The following RORC variants were observed in gnomAD, a reference collection of about 807,000 sequenced individuals.
RORC encodes RAR related orphan receptor C, also known as nuclear receptor ROR-gamma.
RORC carries 13 observed loss-of-function variants against 64.5 expected under a neutral mutation model. That is an observed-to-expected ratio of 0.20 (90% CI 0.13 to 0.32). RORC has a LOEUF of 0.32. Ranked by LOEUF, RORC falls within the 10% of genes least tolerant of loss-of-function variation. The pLI is 1.00. For missense variants in RORC, 468 were observed against 669.5 expected (o/e 0.70, Z 3.32); for synonymous variants, 277 against 259.3 (o/e 1.07, Z -0.65).
Position 151,816,649 on chromosome 1 carries a change from T to C in RORC, c.298+15A>G. 6.3e-7 allele frequency: 1 copy of C among 1,597,294 alleles called. No homozygotes were observed. The highest frequency in any genetic ancestry group is 1.1e-5 in the South Asian group (1 of 88,086). ...ACACCAGGAAAACCCCAGGGGGCTG[T>C]CGACTTGGCCTCACCATCTCGGGAC... On this transcript the variant is annotated intron_variant, in intron 4 of 10. Coordinates refer to ENST00000318247, the MANE Select transcript of RORC (RefSeq NM_005060.4).
chr1:151,830,807 G>T lies in RORC; in HGVS notation c.40+918C>A, dbSNP rs1188028540. ...AGGTGGCAAGGCCCCACCCAGCCCC[G>T]CCCACCTCCCCTTGCTCCTGCCTGG... On this transcript the variant is annotated intron_variant, in intron 1 of 10. Transcript: ENST00000318247. This position sits in a 1 kb window ranked among gnomAD's most constrained non-coding sequence, Gnocchi z 4.0. 1 of 183,990 alleles carries T rather than the reference G, an allele frequency of 5.4e-6. No individual in the cohort carries two copies. Among genetic ancestry groups the T allele is most frequent in the South Asian group, 6.2e-5 (1 of 16,180 alleles). The allele number at this position is 183,990 out of a possible 1,614,324, so 11.4% of individuals were successfully genotyped here.
At chr1:151,814,292 G>C in intron 6 of RORC, 1 of 350,632 alleles carries the variant, frequency 2.9e-6, no homozygotes, top group South Asian at 5.5e-5. Context: ...GGAAGAGGAG[G>C]AAGGAGGGTG....
At position 151,814,933 on chromosome 1, in the gene RORC, T is replaced by C. The variant is rs200578427; in HGVS notation, c.791A>G (p.Tyr264Cys). Residue 264 changes from tyrosine (Y) to cysteine (C), a missense_variant, in exon 5 of 11, where the codon TAT becomes TGT. This residue lies in a region of RORC where 241 missense variants were observed against 295.5 expected (regional missense o/e 0.82). Coordinates refer to ENST00000318247, the MANE Select transcript of RORC (RefSeq NM_005060.4). ...PSFRSTPEAP[Y>C]ASLTEIEHLV... ...CTCACCTATCTCTGTCAGGGAGGCA[T>C]AGGGTGCCTCCGGTGTGCTGCGGAA... 8.1e-6 allele frequency: 13 copies of C among 1,613,716 alleles called. No homozygotes were observed. Among genetic ancestry groups the C allele is most frequent in the Non-Finnish European group, 1.1e-5 (13 of 1,179,734 alleles).
intron 1 of RORC, 111 bp from the exon 2 acceptor site, chr1:151,829,569 C>A (rs978188422): frequency 1.9e-6 from 2 of 1,051,186 alleles, no homozygotes; most frequent in Non-Finnish European, 2.6e-6. Flanking sequence ...CAGAGCCTGG[C>A]GTCTGAAGGG....
At chr1:151,828,047 G>C (rs923556020) in intron 2 of RORC, among the ~76,000 whole-genome samples, 4 of 152,038 alleles carry the variant, frequency 2.6e-5, no homozygotes, top group African/African-American at 9.7e-5. Flanking sequence ...CTAGGGGCAG[G>C]CGAGACACTG....
At chr1:151,819,874 C>T (rs1418977965) in intron 2 of RORC, among the ~76,000 whole-genome samples, 1 of 152,166 alleles carries the variant, frequency 6.6e-6, no homozygotes, top group Non-Finnish European at 1.5e-5. Context: ...GTCAGCCCAT[C>T]CTCCATCCTC....
chr1:151,822,902 G>C (rs1652048728), intron 2 of RORC, among the ~76,000 whole-genome samples: 1 of 152,254 alleles, frequency 6.6e-6, no homozygotes, highest in South Asian at 2.1e-4. Context: ...GCGGGCCTTG[G>C]GCTGCCCGCC....
chr1:151,821,666 C>T (rs1480749645), intron 2 of RORC, among the ~76,000 whole-genome samples: 3 of 152,172 alleles, frequency 2.0e-5, no homozygotes, highest in Admixed American at 2.0e-4. Flanking sequence ...ACCTAGATCT[C>T]TGTAATTCTG....
chr1:151,821,302 A>AC (rs1171088237), intron 2 of RORC, among the ~76,000 whole-genome samples: 2 of 151,474 alleles, frequency 1.3e-5, no homozygotes, highest in African/African-American at 4.9e-5. Flanking sequence ...CCCCAGAACC[A>AC]CCACCCCCCC....
intron 1 of RORC, chr1:151,831,020 C>A (rs1189493332): frequency 2.3e-6 from 3 of 1,289,356 alleles, no homozygotes; most frequent in South Asian, 1.2e-5. Flanking sequence ...GCTGACCAAG[C>A]CTGTGGCCCT....
rs753255482 is a variant in RORC at position 151,815,265 on chromosome 1, G to T, written c.459C>A (p.Leu153=). The T allele has an allele frequency of 1.2e-6, 2 of 1,609,796 alleles. No homozygotes were observed. The highest frequency in any genetic ancestry group is 2.2e-5 in the South Asian group (2 of 90,824). ...GADTLTYTLG[L]PDGQLPLGSS... The stretch of plus-strand genomic sequence containing the variant: ...AGCCCAGGGGCAGCTGCCCGTCTGG[G>T]AGCCCCAAGGTGTAGGTGAGGGTAT... The change falls in exon 5 of 11, where the codon CTC becomes CTA. Residue 153 remains leucine, a synonymous_variant. Transcript: ENST00000318247.
chr1:151,828,394 GA>G (rs1465203604), intron 2 of RORC, among the ~76,000 whole-genome samples: 1 of 152,180 alleles, frequency 6.6e-6, no homozygotes, highest in Non-Finnish European at 1.5e-5. Flanking sequence ...TTCTCTGGGG[GA>G]CTAGCCTTTG....
intron 6 of RORC, chr1:151,814,270 GTTA>G: frequency 3.3e-6 from 1 of 301,564 alleles, no homozygotes; most frequent in South Asian, 6.4e-5. Flanking sequence ...TCTGATTATT[GTTA>G]TTGTTGATGG....
intron 10 of RORC, among the ~76,000 whole-genome samples, chr1:151,810,805 T>A (rs554891363): frequency 1.3e-5 from 2 of 152,310 alleles, no homozygotes; most frequent in Non-Finnish European, 2.9e-5. Context: ...AGTGTTGGGA[T>A]TACAGGCGTG....
chr1:151,812,969 T>G lies in RORC; in HGVS notation c.1263A>C (p.Thr421=). The G allele has an allele frequency of 6.2e-7, 1 of 1,613,342 alleles. No homozygotes were observed. Among genetic ancestry groups the G allele is most frequent in the East Asian group, 2.2e-5 (1 of 44,876 alleles). The change falls in exon 9 of 11, where the codon ACA becomes ACC. Residue 421 remains threonine (T), a synonymous_variant. Coordinates refer to ENST00000318247, the MANE Select transcript of RORC (RefSeq NM_005060.4). ...CACGGGCATTGATGAGAACAAGGGCTGTGTAGAGGGCAATCTCATCCTCGG... is the reference window on the plus strand; with the variant it reads ...CACGGGCATTGATGAGAACAAGGGCGGTGTAGAGGGCAATCTCATCCTCGG... The part of the protein sequence containing the change: ...HFSEDEIALY[T]ALVLINAHRP...
rs1428465303 is a variant in RORC at position 151,807,497 on chromosome 1, TCG to T, written c.1530_1531del (p.Glu511ValfsTer51). 1 of 1,614,152 alleles carries T rather than the reference TCG, an allele frequency of 6.2e-7. No individual in the cohort carries two copies. Among genetic ancestry groups the T allele is most frequent in the South Asian group, 1.1e-5 (1 of 91,078 alleles). ...TCACTTGGACAGCCCCACAGGTGACTCGGTTTCAGTGCTGAAGAGCTCCTTGT... is the reference window on the plus strand; with the variant it reads ...TCACTTGGACAGCCCCACAGGTGACTGTTTCAGTGCTGAAGAGCTCCTTGT... On this transcript the variant is annotated frameshift_variant, in exon 11 of 11. Coordinates refer to ENST00000318247, the MANE Select transcript of RORC (RefSeq NM_005060.4). LOFTEE classifies it high-confidence loss of function. This position sits in a 1 kb window ranked among gnomAD's most constrained non-coding sequence, Gnocchi z 5.0.
chr1:151,815,314 G>C lies in RORC; in HGVS notation c.410C>G (p.Pro137Arg). 6.2e-7 allele frequency: 1 copy of C among 1,607,874 alleles called. No homozygotes were observed. Among genetic ancestry groups the C allele is most frequent in the Non-Finnish European group, 8.5e-7 (1 of 1,176,190 alleles). The stretch of plus-strand genomic sequence containing the variant: ...ATCTGCTCCTTGGGCCCCTGCTGGA[G>C]GGGTCTTGACCACTGGTTCCTGTTG... ...QQQQEPVVKT[P>R]PAGAQGADTL... The change falls in exon 5 of 11, where the codon CCT becomes CGT. Residue 137 changes from proline (P) to arginine (R), a missense_variant. Pro to Arg is a moderately radical substitution (Grantham distance 103). Around this residue, in one of 5 missense-constraint regions of RORC, gnomAD observed 241 missense variants for 295.5 expected, o/e 0.82. Transcript: ENST00000318247.
At chr1:151,826,378 A>C (rs1652197688) in intron 2 of RORC, among the ~76,000 whole-genome samples, 1 of 151,818 alleles carries the variant, frequency 6.6e-6, no homozygotes, top group African/African-American at 2.4e-5. Flanking sequence ...TACTCCTCCT[A>C]CCCCCGAGGA....
Position 151,807,292 on chromosome 1 carries a change from T to C in RORC, c.*180A>G. ...TTCTGCCAGCCCCACCCTCTGGCGA[T>C]TGTCCCACTGCCAGGCCGGCCTGCT... On this transcript the variant is annotated 3_prime_UTR_variant, in exon 11 of 11. Coordinates refer to ENST00000318247, the MANE Select transcript of RORC (RefSeq NM_005060.4). The surrounding 1 kb of genome is among the most constrained non-coding windows in gnomAD (Gnocchi z 5.0). 4 of 572,364 alleles carry C rather than the reference T, an allele frequency of 7.0e-6. No homozygotes were observed. In the Admixed American group the frequency reaches 9.5e-5, roughly 14 times the overall value. 35.5% of individuals were successfully genotyped at this position (572,364 alleles called of 1,614,324 possible).
Sources: gnomAD v4.1 joint callset for allele counts (sites outside exome capture counted in the v4.1 genomes callset) on GRCh38, gnomAD v4.1.1 for gene constraint, gnomAD v4.1.1 regional missense constraint, Gnocchi (gnomAD v3.1) non-coding constraint, MANE v1.5 for transcripts, NCBI Gene and HGNC (gene_info 2026-07-23, HGNC 2026-07-21) for gene names.